Variants in IQANK1 observed in about 807,000 individuals in gnomAD.
The protein encoded by IQANK1 is IQ motif and ankyrin repeat containing 1.
In IQANK1, 30 loss-of-function variants were observed where a neutral mutation model predicts 22.6. That is an observed-to-expected ratio of 1.33 (90% confidence interval 0.99 to 1.80). The LOEUF (loss-of-function observed/expected upper bound fraction) is 1.80. IQANK1 is among the 40% of genes most tolerant of loss of function. The pLI is 0.00. For synonymous variants in IQANK1, 122 were observed against 99.6 expected, an observed-to-expected ratio of 1.23 and a Z score of -1.34; for missense variants, 275 against 235.2, an observed-to-expected ratio of 1.17 and a Z score of -1.11.
intron 2 of IQANK1, among the ~76,000 whole-genome samples, chr8:143,738,069 C>G (rs1554625931): frequency 6.6e-6 from 1 of 152,144 alleles, no homozygotes; most frequent in Non-Finnish European, 1.5e-5. Context: ...GGTGCTGGCT[C>G]GATGCTGGTC....
At chr8:143,751,664 G>GTGTGTGTGTGTGTGTATATATA (rs370428606) in intron 3 of IQANK1, among the ~76,000 whole-genome samples, 5 of 61,550 alleles carry the variant, frequency 8.1e-5, no homozygotes, top group Non-Finnish European at 1.8e-4. Context: ...GTGTGTGTGT[G>GTGTGTGTGTGTGTGTATATATA]TATATATATA....
At chr8:143,773,392 A>G (rs556229999) in intron 7 of IQANK1, among the ~76,000 whole-genome samples, 16 of 151,924 alleles carry the variant, frequency 1.1e-4, no homozygotes, top group South Asian at 1.0e-3. Context: ...TCCCAGGCCC[A>G]GGAGTGGGGT....
chr8:143,777,742 T>C (rs1819716933), intron 7 of IQANK1, among the ~76,000 whole-genome samples: 1 of 151,582 alleles, frequency 6.6e-6, no homozygotes, highest in South Asian at 2.1e-4. Flanking sequence ...ACAAAAGAGA[T>C]AAAATGGAAT....
chr8:143,751,660 G>GTATATATATATATATATATA (rs1440239363), intron 3 of IQANK1, among the ~76,000 whole-genome samples: 513 of 43,694 alleles, frequency 0.012, 2 homozygotes, highest in Non-Finnish European at 0.028. Context: ...GTGTGTGTGT[G>GTATATATATATATATATATA]TGTGTATATA....
In IQANK1 at chr8:143,789,248, G is replaced by A. The variant is rs1209171801; in HGVS notation, c.993+5G>A. ...CAGCAGCAGTGTCACAAGGAGGTGA[G>A]TGTGACCTCAGGGAGGAGCCAGGAA... is the stretch of plus-strand genomic sequence containing the variant. On this transcript the variant is annotated splice_donor_5th_base_variant and intron_variant, in intron 9 of 13. Coordinates refer to ENST00000527139, the MANE Select transcript of IQANK1 (RefSeq NM_001381874.1). The A allele has an allele frequency of 2.5e-6, 1 of 400,110 alleles. No individual in the cohort carries two copies. Among genetic ancestry groups the A allele is most frequent in the Non-Finnish European group, 4.4e-6 (1 of 227,054 alleles). 24.8% of individuals were successfully genotyped at this position (400,110 alleles called of 1,614,324 possible).
At chr8:143,743,254 G>C (rs1020838970) in intron 3 of IQANK1, among the ~76,000 whole-genome samples, 1 of 152,026 alleles carries the variant, frequency 6.6e-6, no homozygotes, top group African/African-American at 2.4e-5. Flanking sequence ...TTGAGACAGG[G>C]TCAGCTGTCT....
chr8:143,788,606 G>C (rs113653449), intron 7 of IQANK1, among the ~76,000 whole-genome samples: 1 of 152,226 alleles, frequency 6.6e-6, no homozygotes, highest in African/African-American at 2.4e-5. Flanking sequence ...GAGGCGGGAA[G>C]CCTGGGCCAG....
At chr8:143,786,621 A>C (rs1205709143) in intron 7 of IQANK1, among the ~76,000 whole-genome samples, 1 of 152,192 alleles carries the variant, frequency 6.6e-6, no homozygotes, top group African/African-American at 2.4e-5. Flanking sequence ...AGAAGACCTG[A>C]GCTGGGAGCT....
intron 3 of IQANK1, among the ~76,000 whole-genome samples, chr8:143,767,877 CTTT>C (rs782768885): frequency 1.3e-5 from 1 of 78,786 alleles, no homozygotes; most frequent in Non-Finnish European, 2.2e-5. Context: ...GGAGCGAGAC[CTTT>C]TTTTTTTTTT....
At chr8:143,739,472 G>A (rs997937717) in intron 2 of IQANK1, 40 of 188,042 alleles carry the variant, frequency 2.1e-4, no homozygotes, top group African/African-American at 7.9e-4. Flanking sequence ...CACAGAGACC[G>A]GAAAGGGCCT....
In IQANK1 at chr8:143,747,170, C is replaced by T. The variant is rs950152210; in HGVS notation, c.175+7222C>T. Among the ~76,000 whole-genome samples, 6 of 152,320 alleles carry T rather than the reference C, an allele frequency of 3.9e-5. No individual in the cohort carries two copies. The East Asian group carries it at 5.8e-4, about 15-fold the overall frequency. Reference sequence around the variant, plus strand: ...TTGGGATTACAGGAGTGAGCCACCGCGCCCGGCCTATATTTTTTATTTCTA... The same window carrying T: ...TTGGGATTACAGGAGTGAGCCACCGTGCCCGGCCTATATTTTTTATTTCTA... On this transcript the variant is annotated intron_variant, in intron 3 of 13. Coordinates refer to ENST00000527139, the MANE Select transcript of IQANK1 (RefSeq NM_001381874.1).
intron 3 of IQANK1, chr8:143,742,848 T>G: frequency 2.2e-6 from 1 of 456,136 alleles, no homozygotes; most frequent in Non-Finnish European, 4.4e-6. Context: ...ACATGGCCTG[T>G]GCTGCTGTCA....
Position 143,739,939 on chromosome 8 carries a change from GC to G in IQANK1, c.171del (p.Thr58GlnfsTer98). The G allele has an allele frequency of 1.4e-6, 1 of 698,200 alleles. No homozygotes were observed. Among genetic ancestry groups the G allele is most frequent in the Non-Finnish European group, 2.6e-6 (1 of 382,988 alleles). The allele number at this position is 698,200 out of a possible 1,614,324, so 43.3% of individuals were successfully genotyped here. A position where few individuals can be genotyped will look rare whatever the true frequency, so the allele number is the denominator to read the frequency against. On this transcript the variant is annotated frameshift_variant, in exon 3 of 14. Transcript: ENST00000527139. LOFTEE classifies it high-confidence loss of function. Reference sequence around the variant, plus strand: ...GCCCGCGTCGGCTGAGAGCCCACAGGCCCCCACAGGTGAGAGCCCGCACGTC... The same window carrying G: ...GCCCGCGTCGGCTGAGAGCCCACAGGCCCCACAGGTGAGAGCCCGCACGTC... ...REPASAESPQ[A>X]PTGPAEDRAA...
rs1554627959 is a variant in IQANK1 at position 143,750,966 on chromosome 8, G to GTGTTT, written c.175+11019_175+11020insGTTTT. 6.4e-3 allele frequency among the ~76,000 whole-genome samples: 963 copies of GTGTTT among 150,654 alleles called. 13 individuals are homozygous for GTGTTT. The highest frequency in any genetic ancestry group is 0.022 in the African/African-American group (907 of 40,988). On this transcript the variant is annotated intron_variant, in intron 3 of 13. Transcript: ENST00000527139. ...CTTTTGTGTGTGTGTGTGTGTGTGT[G>GTGTTT]TTTTTTTGTAGTGAAATGTTTCAAT...
intron 7 of IQANK1, among the ~76,000 whole-genome samples, chr8:143,773,454 G>T (rs146973322): frequency 0.015 from 2,266 of 152,180 alleles, 57 homozygotes; most frequent in African/African-American, 0.051. Flanking sequence ...ACCAGACCAC[G>T]AACCTCGCCT....
chr8:143,779,477 A>G (rs912556915), intron 7 of IQANK1, among the ~76,000 whole-genome samples: 1 of 152,170 alleles, frequency 6.6e-6, no homozygotes, highest in South Asian at 2.1e-4. Flanking sequence ...ACACTCATTC[A>G]TCTATTAATT....
intron 3 of IQANK1, among the ~76,000 whole-genome samples, chr8:143,747,266 A>G (rs782356910): frequency 3.9e-5 from 6 of 152,064 alleles, no homozygotes; most frequent in Non-Finnish European, 5.9e-5. Context: ...TTTTTTCGTT[A>G]GTCCATCTAG....
At position 143,754,946 on chromosome 8, in the gene IQANK1, G is replaced by A. The variant is rs1370986683; in HGVS notation, c.175+14998G>A. ...CAGCCAGGTAGCAATCTTCTGTAAC[G>A]TAACTACAGGAATGATGGACATCAC... On this transcript the variant is annotated intron_variant, in intron 3 of 13. Coordinates refer to ENST00000527139, the MANE Select transcript of IQANK1 (RefSeq NM_001381874.1). 6.6e-5 allele frequency among the ~76,000 whole-genome samples: 10 copies of A among 152,066 alleles called. No homozygotes were observed. The East Asian group carries it at 1.2e-3, about 18-fold the overall frequency.
chr8:143,780,269 A>C (rs1554630827), intron 7 of IQANK1, among the ~76,000 whole-genome samples: 1 of 152,214 alleles, frequency 6.6e-6, no homozygotes, highest in Non-Finnish European at 1.5e-5. Flanking sequence ...ATATTCCTAC[A>C]TTATATACAA....
Sources: allele counts gnomAD v4.1 joint callset (sites outside exome capture counted in the v4.1 genomes callset), GRCh38; gene constraint gnomAD v4.1.1; transcripts MANE v1.5; gene names NCBI Gene and HGNC (gene_info 2026-07-23, HGNC 2026-07-21).